Variants in SUPT7L observed in about 807,000 individuals in gnomAD.
The protein encoded by SUPT7L is SPT7 like, STAGA complex subunit gamma.
A neutral mutation model predicts 35.7 loss-of-function variants in SUPT7L; 15 were observed. That is an observed-to-expected ratio of 0.42 (90% confidence interval 0.28 to 0.65). SUPT7L has a LOEUF of 0.65. Ranked by LOEUF, SUPT7L falls within the 30% of genes least tolerant of loss-of-function variation. The probability of loss-of-function intolerance (pLI) is 0.23; values close to 1 mark genes in which losing one functional copy is unlikely to be tolerated. For missense variants in SUPT7L, 434 were observed against 522.2 expected, an observed-to-expected ratio of 0.83 and a Z score of 1.65; for synonymous variants, 168 against 186.2, an observed-to-expected ratio of 0.90 and a Z score of 0.79.
chr2:27,642,950 T>TACACACACACACAC, the SUPT7L span, among the ~76,000 whole-genome samples: 3 of 37,586 alleles, frequency 8.0e-5, no homozygotes, highest in African/African-American at 1.6e-4. Context: ...GTTTTATATA[T>TACACACACACACAC]ATATATATAC....
rs1026566974 is a variant in SUPT7L at position 27,662,086 on chromosome 2, A to G, written c.14+93T>C. The G allele has an allele frequency of 3.8e-6, 6 of 1,576,812 alleles. No individual in the cohort carries two copies. In the African/African-American group the frequency reaches 8.1e-5, roughly 21 times the overall value. On this transcript the variant is annotated intron_variant, in intron 2 of 5. Transcript: ENST00000337768. ...TGCTGCTAGACTTACTCTTTTTAAAACTTAAATCAAATGGCTTCCCATTGC... is the reference window on the plus strand; with the variant it reads ...TGCTGCTAGACTTACTCTTTTTAAAGCTTAAATCAAATGGCTTCCCATTGC...
At chr2:27,647,724 G>T, downstream of SUPT7L, 1 of 659,892 alleles carries the variant, frequency 1.5e-6, no homozygotes. Context: ...AAGATCCTGC[G>T]TTTATATGTA....
chr2:27,647,352 C>T (rs1447407867), downstream of SUPT7L, among the ~76,000 whole-genome samples: 1 of 152,126 alleles, frequency 6.6e-6, no homozygotes, highest in Non-Finnish European at 1.5e-5. Context: ...TTTTCCCCTC[C>T]CTCCTCTTCT....
Position 27,657,846 on chromosome 2 carries a change from C to T in SUPT7L, c.420-177G>A, listed in dbSNP as rs1674877207. On this transcript the variant is annotated intron_variant, in intron 3 of 5. Transcript: ENST00000337768. The surrounding 1 kb of genome is among the most constrained non-coding windows in gnomAD (Gnocchi z 5.2). ...GCTATCTGGGCATGTCTTAGCAACC[C>T]ATGGTCATATCTTTGAGCTCCTCCA... Among the ~76,000 whole-genome samples, 1 of 152,170 alleles carries T rather than the reference C, an allele frequency of 6.6e-6. No homozygotes were observed. Among genetic ancestry groups the T allele is most frequent in the African/African-American group, 2.4e-5 (1 of 41,436 alleles).
At chr2:27,655,103 C>A (rs771417934) in intron 5 of SUPT7L, among the ~76,000 whole-genome samples, 3 of 152,202 alleles carry the variant, frequency 2.0e-5, no homozygotes, top group Non-Finnish European at 2.9e-5. Context: ...TGGTAATCAA[C>A]GTGACAACAC....
In SUPT7L at chr2:27,653,455, G is replaced by T; in HGVS notation, c.*30C>A. On this transcript the variant is annotated 3_prime_UTR_variant, in exon 6 of 6. Transcript: ENST00000337768. ...AAACCTTTTCTGTTGGGTCTAGTAGGTCTGGACAAAACATCTCCCTCTTTT... is the reference window on the plus strand; with the variant it reads ...AAACCTTTTCTGTTGGGTCTAGTAGTTCTGGACAAAACATCTCCCTCTTTT... 6.2e-7 allele frequency: 1 copy of T among 1,605,470 alleles called. No individual in the cohort carries two copies. Among genetic ancestry groups the T allele is most frequent in the Non-Finnish European group, 8.5e-7 (1 of 1,176,396 alleles).
intron 3 of SUPT7L, among the ~76,000 whole-genome samples, chr2:27,659,671 T>C (rs1674960139): frequency 6.6e-6 from 1 of 152,212 alleles, no homozygotes; most frequent in Admixed American, 6.5e-5. Flanking sequence ...ATTATGATTA[T>C]GCAGGAAAAT....
downstream of SUPT7L, among the ~76,000 whole-genome samples, chr2:27,647,008 G>T (rs1008568263): frequency 1.3e-5 from 2 of 152,216 alleles, no homozygotes; most frequent in Non-Finnish European, 2.9e-5. Flanking sequence ...TGAAGGTTGG[G>T]AGAGTTTAAG....
Position 27,653,748 on chromosome 2 carries a change from C to T in SUPT7L, c.983-1G>A. The T allele has an allele frequency of 6.2e-7, 1 of 1,614,158 alleles. No homozygotes were observed. Among genetic ancestry groups the T allele is most frequent in the Non-Finnish European group, 8.5e-7 (1 of 1,180,022 alleles). On this transcript the variant is annotated splice_acceptor_variant, in intron 5 of 5. Coordinates refer to ENST00000337768, the MANE Select transcript of SUPT7L (RefSeq NM_014860.3). LOFTEE classifies it high-confidence loss of function. ...AGAGGAGAAGCATTTACCTCTGCAC[C>T]TAGAAACAGAGGAAAGATGGACATA...
rs752221996 is a variant in SUPT7L at position 27,653,586 on chromosome 2, C to T, written c.1144G>A (p.Asp382Asn). The change falls in exon 6 of 6, where the codon GAT becomes AAT. Residue 382 changes from aspartate (D) to asparagine (N), a missense_variant. Physicochemically the swap from Asp to Asn is conservative, Grantham distance 23 (BLOSUM62 1). Transcript: ENST00000337768. ...GAACCATAGCTGCTATCTGAGTCAT[C>T]AGGGCTCTGAGGAATCCCAGCTTCA... is the stretch of plus-strand genomic sequence containing the variant. ...MSEAGIPQSP[D>N]DSDSSYGSHS... 6.2e-7 allele frequency: 1 copy of T among 1,614,228 alleles called. No homozygotes were observed. The highest frequency in any genetic ancestry group is 1.3e-5 in the African/African-American group (1 of 75,058).
chr2:27,659,271 C>A (rs1674944314), intron 3 of SUPT7L, among the ~76,000 whole-genome samples: 1 of 152,232 alleles, frequency 6.6e-6, no homozygotes, highest in Non-Finnish European at 1.5e-5. Flanking sequence ...AACTGCAATG[C>A]AACCCCTGTG....
downstream of SUPT7L, among the ~76,000 whole-genome samples, chr2:27,648,966 C>T (rs935294353): frequency 2.6e-5 from 4 of 151,114 alleles, no homozygotes; most frequent in African/African-American, 7.3e-5. Flanking sequence ...AACCATAGGC[C>T]GGGCACGGTG....
chr2:27,662,263 A>G lies in SUPT7L; in HGVS notation c.-71T>C. 1.3e-6 allele frequency: 2 copies of G among 1,504,164 alleles called. No homozygotes were observed. The highest frequency in any genetic ancestry group is 2.3e-5 in the South Asian group (2 of 88,702). The allele number at this position is 1,504,164 out of a possible 1,614,324, so 93.2% of individuals were successfully genotyped here. ...GGCATTCTGTGTCGGTCAAAGACTGATAATGTGAGATCCTTGCCCTGAAGT... is the reference window on the plus strand; with the variant it reads ...GGCATTCTGTGTCGGTCAAAGACTGGTAATGTGAGATCCTTGCCCTGAAGT... On this transcript the variant is annotated 5_prime_UTR_variant, in exon 2 of 6. Coordinates refer to ENST00000337768, the MANE Select transcript of SUPT7L (RefSeq NM_014860.3).
At chr2:27,661,430 A>G in intron 2 of SUPT7L, 42 bp from the exon 3 acceptor site, 1 of 1,609,278 alleles carries the variant, frequency 6.2e-7, no homozygotes, top group Non-Finnish European at 8.5e-7. Context: ...CTCAGGATAA[A>G]TGTAGACAAT....
chr2:27,648,844 C>T (rs1674369784), downstream of SUPT7L, among the ~76,000 whole-genome samples: 1 of 151,666 alleles, frequency 6.6e-6, no homozygotes, highest in Non-Finnish European at 1.5e-5. Context: ...GCCATGTTGG[C>T]CAGGCTGGTC....
chr2:27,650,220 C>G (rs765497728), downstream of SUPT7L: 1 of 1,430,728 alleles, frequency 7.0e-7, no homozygotes, highest in Non-Finnish European at 9.9e-7. Context: ...GCACACTTCA[C>G]TTGTTTCTAG....
At chr2:27,662,950 CTTTTTTTT>C (rs11315948) in intron 1 of SUPT7L, among the ~76,000 whole-genome samples, 37 of 102,508 alleles carry the variant, frequency 3.6e-4, no homozygotes, top group African/African-American at 1.3e-3. Flanking sequence ...TGGATTTTTT[CTTTTTTTT>C]TTTTTTTTTT....
At chr2:27,649,441 AATAAATAT>A (rs1438758434), downstream of SUPT7L, among the ~76,000 whole-genome samples, 1 of 145,442 alleles carries the variant, frequency 6.9e-6, no homozygotes, top group Non-Finnish European at 1.6e-5. Flanking sequence ...GATGAGCTTT[AATAAATAT>A]ATACTTTCTT....
In SUPT7L at chr2:27,661,008, C is replaced by T. The variant is rs1675072085; in HGVS notation, c.395G>A (p.Ser132Asn). The change falls in exon 3 of 6, where the codon AGT (serine) becomes AAT (asparagine). Residue 132 changes from serine (S) to asparagine (N), a missense_variant. Ser to Asn is a conservative substitution (Grantham distance 46). Transcript: ENST00000337768. ...CCGATAAAAGTCACTCTCTGGGTCA[C>T]TGTGCCGGATCTGGAATGGTGCATT... Reference protein sequence around the residue: ...NPNAPFQIRHSDPESDFYRGK... With the variant: ...NPNAPFQIRHNDPESDFYRGK... 2 of 1,614,076 alleles carry T rather than the reference C, an allele frequency of 1.2e-6. No individual in the cohort carries two copies. The highest frequency in any genetic ancestry group is 1.7e-6 in the Non-Finnish European group (2 of 1,179,944).
Sources: gnomAD v4.1 joint callset for allele counts (sites outside exome capture counted in the v4.1 genomes callset) on GRCh38, gnomAD v4.1.1 for gene constraint, Gnocchi (gnomAD v3.1) non-coding constraint, MANE v1.5 for transcripts, NCBI Gene and HGNC (gene_info 2026-07-23, HGNC 2026-07-21) for gene names.